Variants in CLSTN2 observed in about 807,000 individuals in gnomAD.
CLSTN2 encodes calsyntenin-2.
Under a neutral mutation model 101.2 loss-of-function variants are expected in CLSTN2, and 48 were observed. That is an observed-to-expected ratio of 0.47 (90% CI 0.38 to 0.60). The LOEUF (loss-of-function observed/expected upper bound fraction) is 0.60, where lower values mean the gene tolerates loss of function less well. Ranked by LOEUF, CLSTN2 falls within the 20% of genes least tolerant of loss-of-function variation. CLSTN2 has a pLI of 0.00. For synonymous variants in CLSTN2, 481 were observed against 463.6 expected (o/e 1.04, Z -0.48); for missense variants, 1,160 against 1,238.2 (o/e 0.94, Z 0.95).
At position 140,404,485 on chromosome 3, in the gene CLSTN2, C is replaced by G. The variant is rs2088280745; in HGVS notation, c.429-73C>G. The G allele has an allele frequency of 2.2e-6, 3 of 1,385,134 alleles. No homozygotes were observed. In the South Asian group the frequency reaches 3.6e-5, roughly 17 times the overall value. The allele number at this position is 1,385,134 out of a possible 1,614,324, so 85.8% of individuals were successfully genotyped here. ...CTTGGCCTTGGGACCTCAGTCAGTG[C>G]CCCCAGGAGGTACAGGAGGTTGGTG... On this transcript the variant is annotated intron_variant, in intron 3 of 16. Coordinates refer to ENST00000458420, the MANE Select transcript of CLSTN2 (RefSeq NM_022131.3).
chr3:140,514,768 T>C (rs1056580471), intron 8 of CLSTN2, among the ~76,000 whole-genome samples: 4 of 152,202 alleles, frequency 2.6e-5, no homozygotes, highest in Non-Finnish European at 5.9e-5. Context: ...TGTTCTCTTT[T>C]CACCACATCC....
rs2088503527 is a variant in CLSTN2 at position 140,421,286 on chromosome 3, T to A, written c.787+12T>A. ...GCCTGGCTGGCAAGGTGGGCCTGTT[T>A]TATCAGTCTTGTGTGAAGGCAGCAT... On this transcript the variant is annotated intron_variant, in intron 5 of 16. Transcript: ENST00000458420. 1 of 1,613,958 alleles carries A rather than the reference T, an allele frequency of 6.2e-7. No homozygotes were observed. Among genetic ancestry groups the A allele is most frequent in the Non-Finnish European group, 8.5e-7 (1 of 1,179,970 alleles).
At chr3:139,963,858 T>A (rs1469241169) in intron 1 of CLSTN2, among the ~76,000 whole-genome samples, 2 of 152,240 alleles carry the variant, frequency 1.3e-5, no homozygotes, top group African/African-American at 2.4e-5. Context: ...AGCCCAGTGC[T>A]GAGCTGAGTT....
chr3:139,935,456 C>A lies in CLSTN2; in HGVS notation c.82C>A (p.Arg28=). The change falls in exon 1 of 17, where the codon CGG becomes AGG. Residue 28 remains arginine, a synonymous_variant. Coordinates refer to ENST00000458420, the MANE Select transcript of CLSTN2 (RefSeq NM_022131.3). This position sits in a 1 kb window ranked among gnomAD's most constrained non-coding sequence, Gnocchi z 5.5. ...GSGSGGGGDS[R]QRRLLAAKVN... is the part of the protein sequence containing the mutation. ...CGGCAGCGGCGGTGGCGGGGACAGC[C>A]GGCAGCGCCGCCTCCTCGCGGCTAA... 8.1e-7 allele frequency: 1 copy of A among 1,231,244 alleles called. No homozygotes were observed. Among genetic ancestry groups the A allele is most frequent in the African/African-American group, 1.6e-5 (1 of 64,440 alleles). 76.3% of individuals were successfully genotyped at this position (1,231,244 alleles called of 1,614,324 possible).
At chr3:140,514,578 C>T (rs1404549572) in intron 8 of CLSTN2, among the ~76,000 whole-genome samples, 1 of 152,158 alleles carries the variant, frequency 6.6e-6, no homozygotes, top group East Asian at 1.9e-4. Context: ...GCAAATTGTG[C>T]TGCCATTAAC....
intron 8 of CLSTN2, chr3:140,506,168 A>C (rs902653198): frequency 6.6e-6 from 1 of 152,224 alleles, no homozygotes. Flanking sequence ...TTATCTGCCT[A>C]GGAAAGAATG....
At chr3:140,515,658 C>A (rs538718007) in intron 8 of CLSTN2, among the ~76,000 whole-genome samples, 1 of 152,108 alleles carries the variant, frequency 6.6e-6, no homozygotes, top group East Asian at 1.9e-4. Context: ...TATTTAATTT[C>A]TATGTATTAG....
At chr3:140,352,080 A>C (rs917700712) in intron 2 of CLSTN2, among the ~76,000 whole-genome samples, 7 of 152,216 alleles carry the variant, frequency 4.6e-5, no homozygotes, top group Non-Finnish European at 1.0e-4. Flanking sequence ...GATTGAGCTA[A>C]TCTTCCTAAA....
intron 5 of CLSTN2, among the ~76,000 whole-genome samples, chr3:140,423,900 G>C (rs141880789): frequency 8.8e-4 from 134 of 152,300 alleles, no homozygotes; most frequent in African/African-American, 3.1e-3. Context: ...CCTGACCCTG[G>C]CCAATGGGGA....
At chr3:140,179,175 G>A (rs1251196473) in intron 2 of CLSTN2, among the ~76,000 whole-genome samples, 1 of 152,054 alleles carries the variant, frequency 6.6e-6, no homozygotes, top group East Asian at 1.9e-4. Flanking sequence ...ACAAAAACAA[G>A]TGAGATATAC....
intron 1 of CLSTN2, among the ~76,000 whole-genome samples, chr3:140,135,635 A>C (rs925459265): frequency 6.6e-6 from 1 of 152,190 alleles, no homozygotes; most frequent in Non-Finnish European, 1.5e-5. Flanking sequence ...TCATATGCTG[A>C]GAGAGGATCT....
At chr3:140,235,837 G>T (rs1237668706) in intron 2 of CLSTN2, among the ~76,000 whole-genome samples, 1 of 152,184 alleles carries the variant, frequency 6.6e-6, no homozygotes, top group Non-Finnish European at 1.5e-5. Context: ...CAGTTTATTT[G>T]TGGGAAGGGA....
At chr3:139,970,248 C>T (rs1935672032) in intron 1 of CLSTN2, among the ~76,000 whole-genome samples, 1 of 152,122 alleles carries the variant, frequency 6.6e-6, no homozygotes, top group South Asian at 2.1e-4. Flanking sequence ...TAGGTTAAAA[C>T]TTACTCTGAG....
chr3:139,998,406 C>T (rs2006736211), intron 1 of CLSTN2, among the ~76,000 whole-genome samples: 1 of 114,122 alleles, frequency 8.8e-6, no homozygotes, highest in African/African-American at 3.2e-5. Context: ...TGGCGCGAGG[C>T]TCACTGCAAG....
At chr3:140,419,492 A>AT (rs1553741983) in intron 4 of CLSTN2, among the ~76,000 whole-genome samples, 2 of 70,090 alleles carry the variant, frequency 2.9e-5, no homozygotes, top group South Asian at 3.3e-4. Flanking sequence ...CAAAAAAAAA[A>AT]AAATATATAT....
intron 2 of CLSTN2, among the ~76,000 whole-genome samples, chr3:140,397,384 C>T (rs4683832): frequency 0.65 from 99,504 of 151,974 alleles, 33,003 homozygotes; most frequent in South Asian, 0.71. Context: ...ACCAGAGCTC[C>T]ACAAATAATA....
At chr3:140,215,089 C>G (rs1163205485) in intron 2 of CLSTN2, among the ~76,000 whole-genome samples, 1 of 152,196 alleles carries the variant, frequency 6.6e-6, no homozygotes, top group Non-Finnish European at 1.5e-5. Flanking sequence ...TGGGAAGATT[C>G]TCTTTTCTGC....
At chr3:140,324,678 G>C (rs951345454) in intron 2 of CLSTN2, among the ~76,000 whole-genome samples, 9 of 152,252 alleles carry the variant, frequency 5.9e-5, no homozygotes, top group African/African-American at 2.2e-4. Flanking sequence ...CCTGATTGCA[G>C]AGAATGCCCT....
At chr3:140,304,930 C>T (rs996159633) in intron 2 of CLSTN2, among the ~76,000 whole-genome samples, 1 of 151,876 alleles carries the variant, frequency 6.6e-6, no homozygotes, top group African/African-American at 2.4e-5. Context: ...TAACCTACAG[C>T]GATTGTCCAA....
Sources: allele counts gnomAD v4.1 joint callset (sites outside exome capture counted in the v4.1 genomes callset), GRCh38; gene constraint gnomAD v4.1.1; non-coding constraint Gnocchi (gnomAD v3.1); transcripts MANE v1.5; gene names NCBI Gene and HGNC (gene_info 2026-07-23, HGNC 2026-07-21).